The following APBB2 variants were observed in gnomAD, a reference collection of about 807,000 sequenced individuals.
APBB2 encodes the protein Fe65-like 1.
Under a neutral mutation model 82.5 loss-of-function variants are expected in APBB2, and 38 were observed. The observed-to-expected ratio is 0.46, with a 90% CI of 0.36 to 0.60. The LOEUF is 0.60. Among genes scored for constraint, APBB2 ranks in the 20% least tolerant of loss-of-function variants. APBB2 has a pLI of 0.00. For missense variants in APBB2, 772 were observed against 972.3 expected, an observed-to-expected ratio of 0.79 and a Z score of 2.74; for synonymous variants, 341 against 368.2, an observed-to-expected ratio of 0.93 and a Z score of 0.85.
intron 1 of APBB2, among the ~76,000 whole-genome samples, chr4:41,192,259 A>G (rs1319819176): frequency 6.6e-6 from 1 of 152,228 alleles, no homozygotes; most frequent in Non-Finnish European, 1.5e-5. Context: ...AAACAGAACT[A>G]CTATAGGAGC....
At chr4:41,069,650 G>A (rs998096795) in intron 3 of APBB2, among the ~76,000 whole-genome samples, 1 of 152,124 alleles carries the variant, frequency 6.6e-6, no homozygotes, top group South Asian at 2.1e-4. Context: ...GTATCCTCGG[G>A]GCATAGGATG....
intron 10 of APBB2, among the ~76,000 whole-genome samples, chr4:40,894,533 A>C (rs1010870788): frequency 7.2e-5 from 11 of 152,336 alleles, no homozygotes; most frequent in African/African-American, 2.2e-4. Flanking sequence ...AAAGGCAGCA[A>C]AACAAGGAAA....
intron 1 of APBB2, among the ~76,000 whole-genome samples, chr4:41,148,376 C>T (rs1234697807): frequency 2.0e-5 from 3 of 152,208 alleles, no homozygotes; most frequent in Admixed American, 2.0e-4. Flanking sequence ...GCCTCTTTAA[C>T]CTCTGTTCCA....
At chr4:41,204,170 T>C (rs993805811) in intron 1 of APBB2, among the ~76,000 whole-genome samples, 3 of 152,202 alleles carry the variant, frequency 2.0e-5, no homozygotes, top group African/African-American at 7.2e-5. Context: ...ATCTGGCATG[T>C]CGTAAGAACG....
chr4:41,165,187 G>A (rs1766172285), intron 1 of APBB2, among the ~76,000 whole-genome samples: 1 of 147,214 alleles, frequency 6.8e-6, no homozygotes, highest in Non-Finnish European at 1.5e-5. Flanking sequence ...GTGTGCCATT[G>A]TAGCGGTGTA....
chr4:41,079,815 G>C (rs1403398245), intron 3 of APBB2, among the ~76,000 whole-genome samples: 1 of 151,998 alleles, frequency 6.6e-6, no homozygotes, highest in Non-Finnish European at 1.5e-5. Flanking sequence ...CCAAAGTGCT[G>C]GGATTACAGG....
intron 6 of APBB2, among the ~76,000 whole-genome samples, chr4:40,977,315 G>A (rs1797407806): frequency 1.7e-5 from 2 of 118,332 alleles, no homozygotes; most frequent in South Asian, 7.1e-4. Context: ...ATTCAATATA[G>A]TTGTTTTTTT....
chr4:41,166,386 G>T (rs113102703), intron 1 of APBB2, among the ~76,000 whole-genome samples: 52 of 151,636 alleles, frequency 3.4e-4, no homozygotes, highest in Non-Finnish European at 7.2e-4. Context: ...CTGGATCTAT[G>T]GGCAAAATAA....
chr4:40,997,800 T>C (rs1804049550), intron 6 of APBB2, among the ~76,000 whole-genome samples: 1 of 152,204 alleles, frequency 6.6e-6, no homozygotes, highest in Non-Finnish European at 1.5e-5. Flanking sequence ...CCCAATGTAA[T>C]AACGTCCTTG....
intron 7 of APBB2, among the ~76,000 whole-genome samples, chr4:40,935,958 G>A (rs1243757932): frequency 6.6e-6 from 1 of 152,068 alleles, no homozygotes; most frequent in African/African-American, 2.4e-5. Flanking sequence ...ACTAGGCCTA[G>A]TGAATATTCA....
intron 16 of APBB2, among the ~76,000 whole-genome samples, chr4:40,822,800 A>G (rs916831935): frequency 6.6e-6 from 1 of 152,170 alleles, no homozygotes; most frequent in African/African-American, 2.4e-5. Flanking sequence ...CACTAGTGTG[A>G]GAGGTCGGGA....
At chr4:40,926,301 C>G (rs915677761) in intron 10 of APBB2, among the ~76,000 whole-genome samples, 1 of 152,182 alleles carries the variant, frequency 6.6e-6, no homozygotes, top group African/African-American at 2.4e-5. Flanking sequence ...CCCACAGGTA[C>G]AGTAACGTGT....
intron 6 of APBB2, among the ~76,000 whole-genome samples, chr4:40,955,145 T>C (rs1474217615): frequency 6.6e-6 from 1 of 152,152 alleles, no homozygotes; most frequent in Non-Finnish European, 1.5e-5. Context: ...TGTCTGGGGA[T>C]AGGGTGGGCT....
At chr4:41,132,348 T>C (rs1756260801) in intron 2 of APBB2, among the ~76,000 whole-genome samples, 2 of 152,200 alleles carry the variant, frequency 1.3e-5, no homozygotes, top group African/African-American at 2.4e-5. Context: ...CTGTGACCTT[T>C]GTCTAAGGGT....
intron 1 of APBB2, among the ~76,000 whole-genome samples, chr4:41,155,716 A>G (rs763898959): frequency 3.3e-5 from 5 of 152,180 alleles, no homozygotes; most frequent in Non-Finnish European, 7.3e-5. Flanking sequence ...TGCCTAATAA[A>G]TTATGCTGAG....
chr4:41,067,462 A>T (rs1325156078), intron 3 of APBB2, among the ~76,000 whole-genome samples: 1 of 152,018 alleles, frequency 6.6e-6, no homozygotes, highest in Non-Finnish European at 1.5e-5. Context: ...TCAGGGGGAG[A>T]TACTGAGATA....
At chr4:41,009,344 C>G (rs1807675327) in intron 6 of APBB2, among the ~76,000 whole-genome samples, 1 of 140,962 alleles carries the variant, frequency 7.1e-6, no homozygotes, top group Non-Finnish European at 1.5e-5. Context: ...TGAAAATAGT[C>G]ATTTCACAGA....
intron 4 of APBB2, among the ~76,000 whole-genome samples, chr4:41,056,048 G>T (rs1028138283): frequency 1.3e-5 from 2 of 152,012 alleles, no homozygotes; most frequent in Non-Finnish European, 2.9e-5. Context: ...CAAAAAATTA[G>T]CCAGGCATGG....
intron 1 of APBB2, among the ~76,000 whole-genome samples, chr4:41,175,251 T>A (rs1769432252): frequency 6.6e-6 from 1 of 152,222 alleles, no homozygotes; most frequent in Non-Finnish European, 1.5e-5. Context: ...CATAACTTTT[T>A]GCTTAGTTAT....
Sources: allele counts gnomAD v4.1 joint callset (sites outside exome capture counted in the v4.1 genomes callset), GRCh38; gene constraint gnomAD v4.1.1; transcripts MANE v1.5; gene names NCBI Gene and HGNC (gene_info 2026-07-23, HGNC 2026-07-21).